Variants in TCF25 observed in about 807,000 individuals in gnomAD.
TCF25 encodes the protein ribosome quality control complex subunit TCF25.
In TCF25, 41 loss-of-function variants were observed where a neutral mutation model predicts 83.1. That is an observed-to-expected ratio of 0.49 (90% confidence interval 0.38 to 0.64). The LOEUF is 0.64. TCF25 is among the 30% of genes least tolerant of loss of function. TCF25 has a pLI of 0.00. For missense variants in TCF25, 979 were observed against 914.5 expected (o/e 1.07, Z -0.91); for synonymous variants, 458 against 365.0 (o/e 1.25, Z -2.90).
chr16:89,875,279 A>G (rs949689734), intron 1 of TCF25, among the ~76,000 whole-genome samples: 4 of 152,156 alleles, frequency 2.6e-5, no homozygotes, highest in African/African-American at 9.7e-5. Flanking sequence ...TTCGTTGACC[A>G]TTTATATTTC....
At chr16:89,896,143 T>TGG in intron 9 of TCF25, 60 bp downstream of exon 9, 2 of 1,543,324 alleles carry the variant, frequency 1.3e-6, no homozygotes, top group Non-Finnish European at 1.8e-6. Context: ...CGAGTGAGGC[T>TGG]GGGGGAGGTG....
intron 1 of TCF25, chr16:89,874,927 G>C (rs543958501): frequency 6.6e-6 from 1 of 152,072 alleles, no homozygotes; most frequent in Non-Finnish European, 1.5e-5. Context: ...TGCCCTTCTC[G>C]CATCAAGTCC....
intron 17 of TCF25, 49 bp downstream of exon 17, chr16:89,910,712 A>C: frequency 1.3e-6 from 2 of 1,588,476 alleles, no homozygotes; most frequent in Non-Finnish European, 1.7e-6. Context: ...GTGCGGGCAT[A>C]TCCATTCCAG....
At chr16:89,898,926 C>T in intron 11 of TCF25, 54 bp downstream of exon 11, 1 of 1,556,564 alleles carries the variant, frequency 6.4e-7, no homozygotes, top group South Asian at 1.1e-5. Context: ...GCTTCTCCTT[C>T]TGTTTTCTTG....
chr16:89,896,164 C>T, intron 9 of TCF25, 81 bp downstream of exon 9: 1 of 1,348,188 alleles, frequency 7.4e-7, no homozygotes, highest in Non-Finnish European at 1.0e-6. Flanking sequence ...CAGTGGGCAC[C>T]TCATGGCTGC....
chr16:89,908,997 TG>T, intron 16 of TCF25: 1 of 1,289,482 alleles, frequency 7.8e-7, no homozygotes, highest in Non-Finnish European at 1.0e-6. Context: ...CAGTGTTATT[TG>T]GGGGTCACAG....
chr16:89,875,055 AT>A (rs1442884948), intron 1 of TCF25, among the ~76,000 whole-genome samples: 1 of 152,158 alleles, frequency 6.6e-6, no homozygotes, highest in Non-Finnish European at 1.5e-5. Flanking sequence ...GCTGGAGTGC[AT>A]TGGCACAATC....
intron 12 of TCF25, chr16:89,901,164 G>T (rs1441478803): frequency 5.3e-6 from 1 of 190,170 alleles, no homozygotes; most frequent in East Asian, 1.2e-4. Flanking sequence ...GTTGTGCTCT[G>T]CACCATGCTG....
rs1412104741 is a variant in TCF25, at chr16:89,910,649, A to G, written c.1858A>G (p.Asn620Asp). ...TCTCTTCTTCCGGTCACTGTTGCCA[A>G]ACTATACCATGGAGGTAGGTTGAGC... ...IALFFRSLLP[N>D]YTMEGERPEE... Residue 620 changes from asparagine to aspartate, a missense_variant, in exon 17 of 18, where the codon AAC becomes GAC. Asn to Asp is a conservative substitution (Grantham distance 23, BLOSUM62 1). Coordinates refer to ENST00000263346, the MANE Select transcript of TCF25 (RefSeq NM_014972.3). 4.3e-6 allele frequency: 7 copies of G among 1,613,530 alleles called. No individual in the cohort carries two copies. The highest frequency in any genetic ancestry group is 1.3e-5 in the African/African-American group (1 of 74,956).
In TCF25 at chr16:89,873,754, T is replaced by G. The variant is rs760178755; in HGVS notation, c.87T>G (p.Arg29=). Residue 29 remains arginine (R), a synonymous_variant, in exon 1 of 18, where the codon CGT becomes CGG. Coordinates refer to ENST00000263346, the MANE Select transcript of TCF25 (RefSeq NM_014972.3). The part of the protein sequence containing the change: ...LGPGALHFDL[R]DDDDAEEEGP... Reference sequence around the variant, plus strand: ...CCGGCGCCTTGCATTTCGATCTCCGTGATGACGATGACGCGGAAGAAGAAG... The same window carrying G: ...CCGGCGCCTTGCATTTCGATCTCCGGGATGACGATGACGCGGAAGAAGAAG... 1.3e-5 allele frequency: 21 copies of G among 1,609,812 alleles called. No individual in the cohort carries two copies. Among genetic ancestry groups the G allele is most frequent in the Non-Finnish European group, 1.8e-5 (21 of 1,178,562 alleles).
At chr16:89,895,914 TG>T in intron 8 of TCF25, 75 bp from the exon 9 acceptor site, 1 of 1,344,998 alleles carries the variant, frequency 7.4e-7, no homozygotes, top group Non-Finnish European at 1.0e-6. Flanking sequence ...CTTTCCTTGT[TG>T]TCCATTATCA....
intron 1 of TCF25, among the ~76,000 whole-genome samples, chr16:89,879,014 C>T (rs1179732418): frequency 6.6e-6 from 1 of 152,244 alleles, no homozygotes; most frequent in Non-Finnish European, 1.5e-5. Flanking sequence ...TGCAGCAAAT[C>T]ATGTGTCATC....
chr16:89,887,058 C>T (rs984300267), intron 4 of TCF25, among the ~76,000 whole-genome samples: 13 of 151,852 alleles, frequency 8.6e-5, no homozygotes, highest in African/African-American at 3.1e-4. Flanking sequence ...TTTTAAGAGA[C>T]AGGATCTCTC....
At chr16:89,910,537 GTCCCACGAGTC>G in intron 16 of TCF25, 43 bp from the exon 17 acceptor site, 1 of 1,594,796 alleles carries the variant, frequency 6.3e-7, no homozygotes, top group Non-Finnish European at 8.6e-7. Context: ...GCCGGGTTGG[GTCCCACGAGTC>G]TCAGTTCAGT....
chr16:89,905,755 C>G (rs1213204732), intron 14 of TCF25, among the ~76,000 whole-genome samples: 1 of 152,242 alleles, frequency 6.6e-6, no homozygotes, highest in African/African-American at 2.4e-5. Context: ...GCTGTCCCCA[C>G]TGGACTGGAC....
intron 9 of TCF25, among the ~76,000 whole-genome samples, chr16:89,896,656 C>CAT (rs2043879371): frequency 6.6e-6 from 1 of 151,328 alleles, no homozygotes; most frequent in African/African-American, 2.4e-5. Context: ...CGGGTTCAAG[C>CAT]CATTCTCCTG....
At chr16:89,904,319 C>T in intron 13 of TCF25, 114 bp downstream of exon 13, 1 of 1,214,526 alleles carries the variant, frequency 8.2e-7, no homozygotes, top group Non-Finnish European at 1.2e-6. Flanking sequence ...GCAGGAGGGG[C>T]TGTGGTGGCG....
intron 14 of TCF25, among the ~76,000 whole-genome samples, chr16:89,905,802 C>T (rs943746630): frequency 6.6e-6 from 1 of 152,242 alleles, no homozygotes; most frequent in African/African-American, 2.4e-5. Context: ...CCCTGTACTG[C>T]TCTCCAAGAG....
intron 12 of TCF25, among the ~76,000 whole-genome samples, chr16:89,903,570 C>G (rs2044522873): frequency 6.6e-6 from 1 of 152,184 alleles, no homozygotes. Context: ...CTTTCGGAGG[C>G]TGAGGCAGGT....
Sources: allele counts gnomAD v4.1 joint callset (sites outside exome capture counted in the v4.1 genomes callset), GRCh38; gene constraint gnomAD v4.1.1; transcripts MANE v1.5; gene names NCBI Gene and HGNC (gene_info 2026-07-23, HGNC 2026-07-21).